ANKRD13B: variants seen among roughly 807,000 people sequenced by gnomAD.
ANKRD13B encodes ankyrin repeat domain-containing protein 13B.
ANKRD13B carries 33 observed loss-of-function variants against 74.4 expected under a neutral mutation model. The ratio of observed to expected loss-of-function variants is 0.44; its 90% CI spans 0.34 to 0.59. The LOEUF is 0.59. Ranked by LOEUF, ANKRD13B falls within the 20% of genes least tolerant of loss-of-function variation. The probability of loss-of-function intolerance (pLI) is 0.02; values close to 1 mark genes in which losing one functional copy is unlikely to be tolerated. For synonymous variants in ANKRD13B, 341 were observed against 362.9 expected (o/e 0.94, Z 0.68); for missense variants, 676 against 877.9 (o/e 0.77, Z 2.91).
In ANKRD13B at chr17:29,608,292, G is replaced by A. The variant is rs746211211; in HGVS notation, c.421+52G>A. Reference sequence around the variant, plus strand: ...TGGGCTCTCCCACTTTAGGTCCTGCGCTTGCTCCCCTGCCTGGAATGTGTT... The same window carrying A: ...TGGGCTCTCCCACTTTAGGTCCTGCACTTGCTCCCCTGCCTGGAATGTGTT... On this transcript the variant is annotated intron_variant, in intron 4 of 14. Transcript: ENST00000394859. This position sits in a 1 kb window ranked among gnomAD's most constrained non-coding sequence, Gnocchi z 6.4. 81 of 1,609,746 alleles carry A rather than the reference G, an allele frequency of 5.0e-5. No homozygotes were observed. Among genetic ancestry groups the A allele is most frequent in the Non-Finnish European group, 1.8e-5 (21 of 1,177,220 alleles).
At chr17:29,600,504 C>T (rs1213668152) in intron 1 of ANKRD13B, among the ~76,000 whole-genome samples, 1 of 152,180 alleles carries the variant, frequency 6.6e-6, no homozygotes, top group East Asian at 1.9e-4. Flanking sequence ...ACCTCATCCT[C>T]TGCTGTGGCC....
chr17:29,611,480 A>G lies in ANKRD13B; in HGVS notation c.905-99A>G, dbSNP rs1481691854. 1 of 1,289,986 alleles carries G rather than the reference A, an allele frequency of 7.8e-7. No homozygotes were observed. Among genetic ancestry groups the G allele is most frequent in the African/African-American group, 1.5e-5 (1 of 68,412 alleles). The allele number at this position is 1,289,986 out of a possible 1,614,324, so 79.9% of individuals were successfully genotyped here. ...TGGGTGAGCAGGCCCCACCCCAGGA[A>G]CCGGCCTCCTCCCTAGGTCTTGGGT... On this transcript the variant is annotated intron_variant, in intron 8 of 14. Coordinates refer to ENST00000394859, the MANE Select transcript of ANKRD13B (RefSeq NM_152345.5). The surrounding 1 kb of genome is among the most constrained non-coding windows in gnomAD (Gnocchi z 4.3).
At chr17:29,596,368 G>GCTAT (rs1340800221) in intron 1 of ANKRD13B, among the ~76,000 whole-genome samples, 1 of 152,220 alleles carries the variant, frequency 6.6e-6, no homozygotes, top group Admixed American at 6.5e-5. Flanking sequence ...CCTGCTTGCC[G>GCTAT]CTATGCATGT....
intron 1 of ANKRD13B, among the ~76,000 whole-genome samples, chr17:29,594,670 G>T (rs527694500): frequency 6.6e-6 from 1 of 152,238 alleles, no homozygotes; most frequent in African/African-American, 2.4e-5. Context: ...GGCTGCAAGA[G>T]CCAGAGCTGG....
intron 1 of ANKRD13B, among the ~76,000 whole-genome samples, chr17:29,597,321 C>T (rs2033989058): frequency 6.6e-6 from 1 of 152,208 alleles, no homozygotes; most frequent in African/African-American, 2.4e-5. Flanking sequence ...GAGTGGACTC[C>T]TGCAGGGCCA....
chr17:29,601,386 T>A (rs553520963), intron 1 of ANKRD13B, among the ~76,000 whole-genome samples: 12 of 152,116 alleles, frequency 7.9e-5, no homozygotes, highest in Admixed American at 6.6e-4. Flanking sequence ...CACGCCCAGC[T>A]AATTTTTGTA....
At chr17:29,596,659 A>G (rs1167695883) in intron 1 of ANKRD13B, among the ~76,000 whole-genome samples, 1 of 152,112 alleles carries the variant, frequency 6.6e-6, no homozygotes, top group Non-Finnish European at 1.5e-5. Flanking sequence ...GGCGTTCTCC[A>G]CCGTGGGCTT....
intron 14 of ANKRD13B, 75 bp from the exon 15 acceptor site, chr17:29,613,279 C>T (rs2034671738): frequency 7.2e-7 from 1 of 1,388,332 alleles, no homozygotes; most frequent in Non-Finnish European, 9.3e-7. Context: ...GCCCTGGAGC[C>T]TCCACGCCGT....
At chr17:29,604,569 T>G (rs1329180523) in intron 1 of ANKRD13B, among the ~76,000 whole-genome samples, 1 of 149,586 alleles carries the variant, frequency 6.7e-6, no homozygotes, top group Admixed American at 6.7e-5. Context: ...TGAGATGGAG[T>G]CTTGCTCTGT....
At chr17:29,603,877 CTTT>C (rs71138837) in intron 1 of ANKRD13B, among the ~76,000 whole-genome samples, 12 of 117,950 alleles carry the variant, frequency 1.0e-4, no homozygotes, top group Admixed American at 1.6e-4. Flanking sequence ...TATTTTCTTT[CTTT>C]TTTTTTTTTT....
chr17:29,603,530 G>A (rs1477841003), intron 1 of ANKRD13B, among the ~76,000 whole-genome samples: 1 of 152,124 alleles, frequency 6.6e-6, no homozygotes, highest in Non-Finnish European at 1.5e-5. Context: ...AAAAGTGCTG[G>A]GACTATAGAA....
chr17:29,600,119 G>A (rs561403354), intron 1 of ANKRD13B, among the ~76,000 whole-genome samples: 15 of 152,058 alleles, frequency 9.9e-5, no homozygotes, highest in East Asian at 7.7e-4. Context: ...CTCGTGATCC[G>A]CCCACCTCGG....
rs532822682 is a variant in ANKRD13B, at chr17:29,612,679, C to A, written c.1439C>A (p.Pro480Gln). 3.2e-6 allele frequency: 5 copies of A among 1,585,870 alleles called. No homozygotes were observed. The South Asian group carries it at 4.6e-5, about 14-fold the overall frequency. ...TTSCRGCEIS[P>Q]ALFEAPRGYS... ...TCCTGCCGCGGCTGCGAGATCTCCCCAGCGTTGTTCGAGGCCCCGCGCGGC... is the reference window on the plus strand; with the variant it reads ...TCCTGCCGCGGCTGCGAGATCTCCCAAGCGTTGTTCGAGGCCCCGCGCGGC... The change falls in exon 13 of 15, where the codon CCA becomes CAA. Residue 480 changes from proline (P) to glutamine (Q), a missense_variant. By Grantham distance (76) the Pro-to-Gln change is moderately conservative (BLOSUM62 -1). Coordinates refer to ENST00000394859, the MANE Select transcript of ANKRD13B (RefSeq NM_152345.5). This position sits in a 1 kb window ranked among gnomAD's most constrained non-coding sequence, Gnocchi z 6.1.
At chr17:29,607,063 C>CAA (rs34261270) in intron 1 of ANKRD13B, among the ~76,000 whole-genome samples, 4 of 149,990 alleles carry the variant, frequency 2.7e-5, no homozygotes, top group African/African-American at 4.9e-5. Flanking sequence ...AAAAAAAACA[C>CAA]AAAAAAAAAC....
intron 1 of ANKRD13B, among the ~76,000 whole-genome samples, chr17:29,605,401 T>C (rs767341781): frequency 6.8e-6 from 1 of 146,406 alleles, no homozygotes; most frequent in South Asian, 2.2e-4. Flanking sequence ...GAAATATATA[T>C]ATATACACAC....
At position 29,601,145 on chromosome 17, in the gene ANKRD13B, A is replaced by G. The variant is rs531780262; in HGVS notation, c.115-6597A>G. 5.8e-4 allele frequency among the ~76,000 whole-genome samples: 88 copies of G among 151,352 alleles called. 1 individual carries two copies. The highest frequency in any genetic ancestry group is 1.9e-3 in the African/African-American group (77 of 41,230). On this transcript the variant is annotated intron_variant, in intron 1 of 14. Coordinates refer to ENST00000394859, the MANE Select transcript of ANKRD13B (RefSeq NM_152345.5). ...CACCACATTGCCCACGCTGGTTTCA[A>G]ACTCCTGGGCTCAAGTGATCTGCCC...
intron 1 of ANKRD13B, among the ~76,000 whole-genome samples, chr17:29,601,465 G>T (rs1254369611): frequency 6.6e-6 from 1 of 152,006 alleles, no homozygotes; most frequent in African/African-American, 2.4e-5. Flanking sequence ...CTGGTGACCT[G>T]CCCGCCTCGG....
chr17:29,599,874 T>G (rs985044073), intron 1 of ANKRD13B, among the ~76,000 whole-genome samples: 1 of 116,818 alleles, frequency 8.6e-6, no homozygotes, highest in East Asian at 2.2e-4. Context: ...TGTTTTTTTT[T>G]TTTTTTTTTT....
chr17:29,612,224 C>A lies in ANKRD13B; in HGVS notation c.1209C>A (p.Leu403=). The stretch of plus-strand genomic sequence containing the variant: ...TCAGCAATGCGCTTTTTGCCAAGCT[C>A]CGGGACTTCATCACCCTGCGTCTGC... ...MAVSNALFAK[L]RDFITLRLPP... is the part of the protein sequence containing the mutation. Residue 403 remains leucine, a synonymous_variant, in exon 11 of 15, where the codon CTC becomes CTA. Coordinates refer to ENST00000394859, the MANE Select transcript of ANKRD13B (RefSeq NM_152345.5). The surrounding 1 kb of genome is among the most constrained non-coding windows in gnomAD (Gnocchi z 6.1). 6.2e-7 allele frequency: 1 copy of A among 1,614,132 alleles called. No individual in the cohort carries two copies. Among genetic ancestry groups the A allele is most frequent in the East Asian group, 2.2e-5 (1 of 44,878 alleles).
Sources: allele counts gnomAD v4.1 joint callset (sites outside exome capture counted in the v4.1 genomes callset), GRCh38; gene constraint gnomAD v4.1.1; non-coding constraint Gnocchi (gnomAD v3.1); transcripts MANE v1.5; gene names NCBI Gene and HGNC (gene_info 2026-07-23, HGNC 2026-07-21).